Variants in MIR2052HG observed in about 807,000 individuals in gnomAD.
MIR2052HG encodes MIR2052 host gene.
intron 2 of MIR2052HG, among the ~76,000 whole-genome samples, chr8:74,674,544 C>G (rs1054682938): frequency 2.0e-5 from 3 of 151,800 alleles, no homozygotes; most frequent in Admixed American, 6.6e-5. Context: ...TTCATTTTTC[C>G]TACCAAAAAA....
intron 2 of MIR2052HG, among the ~76,000 whole-genome samples, chr8:74,657,164 A>G (rs1808815750): frequency 2.0e-5 from 3 of 152,152 alleles, no homozygotes; most frequent in Admixed American, 6.6e-5. Flanking sequence ...CTTTTCCCCT[A>G]GCCACAGCTG....
At chr8:74,685,428 A>G (rs1286571214) in intron 2 of MIR2052HG, among the ~76,000 whole-genome samples, 3 of 152,154 alleles carry the variant, frequency 2.0e-5, no homozygotes, top group African/African-American at 7.2e-5. Flanking sequence ...ACTACAAAGG[A>G]AACAGTAGAA....
chr8:74,688,605 T>A (rs1809207726), intron 2 of MIR2052HG, among the ~76,000 whole-genome samples: 1 of 152,248 alleles, frequency 6.6e-6, no homozygotes, highest in South Asian at 2.1e-4. Context: ...GTAGCAAAGC[T>A]AAGTACACGT....
At chr8:74,695,544 G>A (rs183658337) in intron 2 of MIR2052HG, among the ~76,000 whole-genome samples, 1 of 152,078 alleles carries the variant, frequency 6.6e-6, no homozygotes, top group Admixed American at 6.5e-5. Context: ...CACTAACCAA[G>A]TATCTTCTTT....
intron 2 of MIR2052HG, among the ~76,000 whole-genome samples, chr8:74,686,035 T>G (rs1479748350): frequency 6.6e-6 from 1 of 152,008 alleles, no homozygotes; most frequent in African/African-American, 2.4e-5. Context: ...ACTGCTCTGC[T>G]TATACTTTGA....
chr8:74,742,389 CAT>C (rs1809839901), intron 4 of MIR2052HG, among the ~76,000 whole-genome samples: 1 of 152,112 alleles, frequency 6.6e-6, no homozygotes, highest in East Asian at 1.9e-4. Context: ...TATAAACAAA[CAT>C]GTTATAATCT....
At chr8:74,700,701 A>G (rs1398535183) in intron 2 of MIR2052HG, among the ~76,000 whole-genome samples, 1 of 152,114 alleles carries the variant, frequency 6.6e-6, no homozygotes, top group African/African-American at 2.4e-5. Flanking sequence ...CATTTCTGAG[A>G]CAGCTGATTG....
chr8:74,679,590 A>G (rs1221836821), intron 2 of MIR2052HG, among the ~76,000 whole-genome samples: 2 of 150,892 alleles, frequency 1.3e-5, no homozygotes, highest in Non-Finnish European at 2.9e-5. Context: ...CAGTGTCACG[A>G]TCTCGGCTTA....
intron 2 of MIR2052HG, among the ~76,000 whole-genome samples, chr8:74,681,143 G>A (rs1341662396): frequency 1.3e-5 from 2 of 150,786 alleles, no homozygotes; most frequent in Non-Finnish European, 2.9e-5. Context: ...CAGCGCACCA[G>A]CATGGCACAT....
At chr8:74,679,555 T>C (rs1371407579) in intron 2 of MIR2052HG, among the ~76,000 whole-genome samples, 7 of 129,600 alleles carry the variant, frequency 5.4e-5, no homozygotes, top group African/African-American at 7.9e-5. Flanking sequence ...TTATTATTAT[T>C]ATTATTATTG....
chr8:74,648,802 C>T (rs374567175), intron 2 of MIR2052HG, among the ~76,000 whole-genome samples: 10 of 151,868 alleles, frequency 6.6e-5, no homozygotes, highest in African/African-American at 2.4e-4. Context: ...ACTTTTGAAT[C>T]GTCTCTATGT....
intron 4 of MIR2052HG, among the ~76,000 whole-genome samples, chr8:74,741,914 G>A (rs947697174): frequency 6.6e-6 from 1 of 152,132 alleles, no homozygotes; most frequent in African/African-American, 2.4e-5. Context: ...ATAAGGCAGA[G>A]CATTGCCTTG....
intron 2 of MIR2052HG, among the ~76,000 whole-genome samples, chr8:74,626,228 T>C: frequency 6.6e-6 from 1 of 152,196 alleles, no homozygotes; most frequent in East Asian, 1.9e-4. Flanking sequence ...GATACCTCTT[T>C]AGAGCCACTT....
At chr8:74,696,680 A>G (rs1011973976) in intron 2 of MIR2052HG, among the ~76,000 whole-genome samples, 2 of 152,080 alleles carry the variant, frequency 1.3e-5, no homozygotes, top group Admixed American at 1.3e-4. Flanking sequence ...ATTCAAGCCT[A>G]CTATGGACAC....
chr8:74,672,268 G>A (rs527503847), intron 2 of MIR2052HG, among the ~76,000 whole-genome samples: 32 of 152,024 alleles, frequency 2.1e-4, no homozygotes, highest in Non-Finnish European at 4.1e-4. Context: ...CCTAGCATCC[G>A]TTGAATCTAA....
chr8:74,612,903 G>T (rs1296788067), exon 2 of MIR2052HG: 1 of 456,290 alleles, frequency 2.2e-6, no homozygotes, highest in African/African-American at 2.0e-5. Context: ...TTTGGAGCAA[G>T]TGGAGAGCCA....
chr8:74,738,587 C>T (rs1809794921), intron 4 of MIR2052HG, among the ~76,000 whole-genome samples: 1 of 152,124 alleles, frequency 6.6e-6, no homozygotes, highest in African/African-American at 2.4e-5. Flanking sequence ...CTACTTTGGG[C>T]TTATATTATT....
chr8:74,667,006 A>G (rs900816560), intron 2 of MIR2052HG, among the ~76,000 whole-genome samples: 7 of 152,124 alleles, frequency 4.6e-5, no homozygotes, highest in African/African-American at 1.7e-4. Flanking sequence ...TTTCCTCTTC[A>G]TGTGATCTCT....
At chr8:74,669,388 G>A (rs1314125373) in intron 2 of MIR2052HG, among the ~76,000 whole-genome samples, 2 of 152,032 alleles carry the variant, frequency 1.3e-5, no homozygotes, top group South Asian at 2.1e-4. Flanking sequence ...GCTTCAATCC[G>A]TTCTCACCTG....
Sources: gnomAD v4.1 joint callset for allele counts (sites outside exome capture counted in the v4.1 genomes callset) on GRCh38, gnomAD v4.1.1 for gene constraint, MANE v1.5 for transcripts, NCBI Gene and HGNC (gene_info 2026-07-23, HGNC 2026-07-21) for gene names.